PCDH15: variants seen among roughly 807,000 people sequenced by gnomAD.
PCDH15 encodes the protein protocadherin related 15, also known as protocadherin-15.
In PCDH15, 129 loss-of-function variants were observed where a neutral mutation model predicts 178.5. The ratio of observed to expected loss-of-function variants is 0.72; its 90% confidence interval spans 0.63 to 0.84. The LOEUF is 0.84. PCDH15 is among the 40% of genes least tolerant of loss of function. PCDH15 has a pLI of 0.00. For synonymous variants in PCDH15, 800 were observed against 732.0 expected (o/e 1.09, Z -1.50); for missense variants, 2,230 against 2,099.9 (o/e 1.06, Z -1.21).
intron 2 of PCDH15, among the ~76,000 whole-genome samples, chr10:54,905,394 G>C (rs1412130971): frequency 6.6e-6 from 1 of 152,064 alleles, no homozygotes; most frequent in Non-Finnish European, 1.5e-5. Flanking sequence ...CAATGAATTT[G>C]TTTGATAAAT....
At chr10:53,832,103 T>C (rs1488399881) in intron 29 of PCDH15, among the ~76,000 whole-genome samples, 4 of 151,054 alleles carry the variant, frequency 2.6e-5, no homozygotes, top group African/African-American at 9.9e-5. Context: ...ACCAAAAGAA[T>C]GTTTTATGGT....
chr10:54,799,335 T>C (rs1437246962), intron 1 of PCDH15, among the ~76,000 whole-genome samples: 2 of 152,128 alleles, frequency 1.3e-5, no homozygotes, highest in Non-Finnish European at 2.9e-5. Flanking sequence ...AAAGTTGTAA[T>C]GGACATTTAT....
At chr10:55,346,393 C>T (rs12573579) in intron 2 of PCDH15, among the ~76,000 whole-genome samples, 26,761 of 152,064 alleles carry the variant, frequency 0.18, 2,466 homozygotes, top group South Asian at 0.24. Flanking sequence ...AGGAATGTAG[C>T]TTTATAATTG....
chr10:54,426,824 A>G (rs1956321549), intron 3 of PCDH15, among the ~76,000 whole-genome samples: 1 of 152,098 alleles, frequency 6.6e-6, no homozygotes, highest in African/African-American at 2.4e-5. Context: ...CAGTTATCAA[A>G]ATCTATCTAC....
intron 3 of PCDH15, among the ~76,000 whole-genome samples, chr10:54,867,558 G>C (rs921613445): frequency 6.6e-6 from 1 of 152,016 alleles, no homozygotes; most frequent in East Asian, 1.9e-4. Context: ...GTGGCAAGGG[G>C]AGTTAGAATT....
At chr10:54,344,138 AG>A (rs1337335954) in intron 6 of PCDH15, among the ~76,000 whole-genome samples, 4 of 152,204 alleles carry the variant, frequency 2.6e-5, no homozygotes, top group African/African-American at 9.6e-5. Flanking sequence ...TCTCTCCCTA[AG>A]ATTGTACCTT....
intron 2 of PCDH15, among the ~76,000 whole-genome samples, chr10:55,098,814 C>T (rs1468186350): frequency 6.6e-6 from 1 of 151,818 alleles, no homozygotes; most frequent in Non-Finnish European, 1.5e-5. Flanking sequence ...AAGCGTCTCT[C>T]TCTCTTTCTC....
intron 3 of PCDH15, among the ~76,000 whole-genome samples, chr10:54,842,841 G>A (rs1405776889): frequency 1.3e-5 from 2 of 151,892 alleles, no homozygotes; most frequent in African/African-American, 4.8e-5. Flanking sequence ...GTGTTTAATA[G>A]CAAGCAGCTT....
chr10:54,551,044 A>G (rs1409264857), intron 2 of PCDH15, among the ~76,000 whole-genome samples: 1 of 150,162 alleles, frequency 6.7e-6, no homozygotes, highest in African/African-American at 2.4e-5. Flanking sequence ...TAATCTCAGG[A>G]CTAGAGTGGA....
chr10:55,508,008 A>C (rs1333135495), intron 2 of PCDH15, among the ~76,000 whole-genome samples: 1 of 151,754 alleles, frequency 6.6e-6, no homozygotes, highest in Admixed American at 6.6e-5. Flanking sequence ...AGTGATTTTG[A>C]TAATCAAACT....
intron 1 of PCDH15, among the ~76,000 whole-genome samples, chr10:54,696,844 A>T (rs921261029): frequency 6.6e-6 from 1 of 152,174 alleles, no homozygotes; most frequent in Non-Finnish European, 1.5e-5. Context: ...TGATGTGATT[A>T]TAAGTTAAGT....
chr10:54,344,939 A>G (rs1426889893), intron 6 of PCDH15, among the ~76,000 whole-genome samples: 3 of 146,490 alleles, frequency 2.0e-5, no homozygotes, highest in Non-Finnish European at 4.5e-5. Flanking sequence ...AGACTCTAAA[A>G]TCTGACCTTC....
At chr10:54,616,636 C>T (rs2093165700) in intron 2 of PCDH15, among the ~76,000 whole-genome samples, 1 of 151,960 alleles carries the variant, frequency 6.6e-6, no homozygotes. Context: ...ATACAAAGTA[C>T]ATGTTGAGAA....
At chr10:54,241,540 A>G (rs2055299389) in intron 8 of PCDH15, among the ~76,000 whole-genome samples, 1 of 152,220 alleles carries the variant, frequency 6.6e-6, no homozygotes, top group African/African-American at 2.4e-5. Context: ...AAACACAGAA[A>G]GAGCTCCCCA....
intron 2 of PCDH15, among the ~76,000 whole-genome samples, chr10:55,012,428 C>T (rs1018969385): frequency 1.2e-4 from 18 of 152,012 alleles, no homozygotes; most frequent in African/African-American, 4.1e-4. Context: ...AATTTAGCTA[C>T]CTAACTGTGG....
chr10:55,360,262 G>T (rs1242722632), intron 2 of PCDH15, among the ~76,000 whole-genome samples: 2 of 151,852 alleles, frequency 1.3e-5, no homozygotes, highest in Non-Finnish European at 2.9e-5. Context: ...TATAAAAATT[G>T]TGTGTATATG....
At chr10:54,214,967 TTCC>T (rs1170543575) in intron 9 of PCDH15, among the ~76,000 whole-genome samples, 1 of 152,174 alleles carries the variant, frequency 6.6e-6, no homozygotes, top group Non-Finnish European at 1.5e-5. Flanking sequence ...TTGTATAATC[TTCC>T]TTTGTGTACT....
At chr10:55,471,309 C>G (rs775036591) in intron 2 of PCDH15, among the ~76,000 whole-genome samples, 1 of 151,888 alleles carries the variant, frequency 6.6e-6, no homozygotes, top group Non-Finnish European at 1.5e-5. Flanking sequence ...ATTAAATAGC[C>G]TTTAGTTTGT....
intron 15 of PCDH15, among the ~76,000 whole-genome samples, chr10:54,111,358 TC>T (rs1247536747): frequency 6.6e-6 from 1 of 152,152 alleles, no homozygotes; most frequent in Non-Finnish European, 1.5e-5. Context: ...TTCAAATTAG[TC>T]TTTTTTCATT....
Sources: allele counts gnomAD v4.1 joint callset (sites outside exome capture counted in the v4.1 genomes callset), GRCh38; gene constraint gnomAD v4.1.1; transcripts MANE v1.5; gene names NCBI Gene and HGNC (gene_info 2026-07-23, HGNC 2026-07-21).